Variants in TNRC6B observed in about 807,000 individuals in gnomAD.
TNRC6B encodes the protein trinucleotide repeat containing adaptor 6B.
In TNRC6B, 52 loss-of-function variants were observed where a neutral mutation model predicts 203.6. The observed-to-expected ratio is 0.26, with a 90% CI of 0.20 to 0.32. The LOEUF (loss-of-function observed/expected upper bound fraction) is 0.32. Ranked by LOEUF, TNRC6B falls within the 10% of genes least tolerant of loss-of-function variation. The probability of loss-of-function intolerance (pLI) is 1.00; values close to 1 mark genes in which losing one functional copy is unlikely to be tolerated. For synonymous variants in TNRC6B, 838 were observed against 845.7 expected (o/e 0.99, Z 0.16); for missense variants, 1,923 against 2,286.2 (o/e 0.84, Z 3.24).
At chr22:40,203,438 T>C (rs1025480623) in intron 1 of TNRC6B, among the ~76,000 whole-genome samples, 1 of 152,076 alleles carries the variant, frequency 6.6e-6, no homozygotes, top group African/African-American at 2.4e-5. Context: ...CTTCCAGGTA[T>C]GTCATAAAAA....
chr22:40,313,005 T>C lies in TNRC6B; in HGVS notation c.4678+8T>C, dbSNP rs1305882479. ...ACGTTCATAGCACTTCAGGTATGAG[T>C]GTGAATTTTTTGTTTCCCTTTGGTT... On this transcript the variant is annotated splice_region_variant and intron_variant, in intron 19 of 22. Coordinates refer to ENST00000454349, the MANE Select transcript of TNRC6B (RefSeq NM_001162501.2). 2.5e-6 allele frequency: 4 copies of C among 1,609,206 alleles called. No individual in the cohort carries two copies. Among genetic ancestry groups the C allele is most frequent in the Non-Finnish European group, 2.6e-6 (3 of 1,176,460 alleles).
chr22:40,241,977 T>C (rs1360547685), intron 1 of TNRC6B, among the ~76,000 whole-genome samples: 1 of 152,244 alleles, frequency 6.6e-6, no homozygotes, highest in East Asian at 1.9e-4. Context: ...CTTTGAGCAC[T>C]CTTTTGCTTC....
intron 15 of TNRC6B, among the ~76,000 whole-genome samples, chr22:40,307,872 G>GA (rs1569063765): frequency 6.6e-6 from 1 of 151,908 alleles, no homozygotes; most frequent in Non-Finnish European, 1.5e-5. Flanking sequence ...TTATCCTAGA[G>GA]AAAAAAAGAT....
At chr22:40,201,947 C>T (rs1601879622) in intron 1 of TNRC6B, among the ~76,000 whole-genome samples, 1 of 152,248 alleles carries the variant, frequency 6.6e-6, no homozygotes, top group East Asian at 1.9e-4. Flanking sequence ...TGTTCCCAGA[C>T]ATTTCAATAA....
intron 2 of TNRC6B, among the ~76,000 whole-genome samples, chr22:40,120,020 TG>T (rs2068429095): frequency 6.6e-6 from 1 of 152,108 alleles, no homozygotes; most frequent in Admixed American, 6.6e-5. Context: ...ATTTAGTAAG[TG>T]GGCACATTAC....
intron 10 of TNRC6B, 88 bp from the exon 11 acceptor site, chr22:40,281,031 G>A: frequency 8.8e-7 from 1 of 1,133,478 alleles, no homozygotes; most frequent in Non-Finnish European, 1.2e-6. Flanking sequence ...TTTGTTTATT[G>A]CTAGTGTTTC....
chr22:40,146,417 C>T (rs554612437), intron 3 of TNRC6B, among the ~76,000 whole-genome samples: 5 of 151,370 alleles, frequency 3.3e-5, no homozygotes, highest in Non-Finnish European at 5.9e-5. Flanking sequence ...TTTTTTGAGA[C>T]GGAGTTTCTC....
chr22:40,089,110 T>A (rs2068126042), intron 1 of TNRC6B, among the ~76,000 whole-genome samples: 1 of 152,186 alleles, frequency 6.6e-6, no homozygotes, highest in African/African-American at 2.4e-5. Flanking sequence ...AAATGAGTAA[T>A]TATGTGGTAC....
At chr22:40,192,565 C>T (rs574753736) in intron 1 of TNRC6B, among the ~76,000 whole-genome samples, 6 of 151,998 alleles carry the variant, frequency 3.9e-5, no homozygotes, top group Non-Finnish European at 7.4e-5. Context: ...TGCAGTGAGC[C>T]GAGATCGAGC....
Position 40,266,005 on chromosome 22 carries a change from C to G in TNRC6B, c.1775C>G (p.Ser592Trp), listed in dbSNP as rs1294558370. The change falls in exon 5 of 23, where the codon TCG (serine) becomes TGG (tryptophan). Residue 592 changes from serine to tryptophan, a missense_variant. By Grantham distance (177) the Ser-to-Trp change is radical. Coordinates refer to ENST00000454349, the MANE Select transcript of TNRC6B (RefSeq NM_001162501.2). The part of the protein sequence containing the change: ...SSDSHNSGRR[S>W]YRPTHPDCQA... ...GACAGTCATAACTCTGGCCGTCGGT[C>G]GTACAGGCCCACACATCCTGATTGT... 6.2e-7 allele frequency: 1 copy of G among 1,613,794 alleles called. No homozygotes were observed. Among genetic ancestry groups the G allele is most frequent in the Non-Finnish European group, 8.5e-7 (1 of 1,179,898 alleles).
At chr22:40,282,742 A>G (rs760991423) in intron 11 of TNRC6B, among the ~76,000 whole-genome samples, 14 of 152,188 alleles carry the variant, frequency 9.2e-5, no homozygotes, top group Non-Finnish European at 1.5e-4. Context: ...AAATATGGAC[A>G]TGGTTTTTAA....
Position 40,323,121 on chromosome 22 carries a change from G to A in TNRC6B, c.5382G>A (p.Gly1794=), listed in dbSNP as rs2071359986. 5 of 1,612,914 alleles carry A rather than the reference G, an allele frequency of 3.1e-6. No individual in the cohort carries two copies. Among genetic ancestry groups the A allele is most frequent in the African/African-American group, 1.3e-5 (1 of 74,898 alleles). The part of the protein sequence containing the change: ...GADLAGASLW[G]PPNYSSSLWG... ...ATCTTGCTGGCGCTTCATTGTGGGG[G>A]CCCCCAAACTATTCTTCTAGCTTAT... Residue 1794 remains glycine, a synonymous_variant, in exon 23 of 23, where the codon GGG becomes GGA. Transcript: ENST00000454349.
chr22:40,229,983 G>A, intron 1 of TNRC6B, among the ~76,000 whole-genome samples: 1 of 152,144 alleles, frequency 6.6e-6, no homozygotes, highest in East Asian at 1.9e-4. Flanking sequence ...CCTAGGCAAT[G>A]AATGGCTGGG....
In TNRC6B at chr22:40,190,298, C is replaced by T. The variant is rs140721352; in HGVS notation, c.5+12158C>T. Among the ~76,000 whole-genome samples the T allele has an allele frequency of 2.5e-3, 383 of 152,306 alleles. 2 individuals are homozygous for T. The highest frequency in any genetic ancestry group is 8.1e-3 in the African/African-American group (335 of 41,562). On this transcript the variant is annotated intron_variant, in intron 1 of 22. Transcript: ENST00000454349. ...TCTGAAAAAAGAAAAACCAAGCCCACTCCATTAGGTGCTGAGCAGTTGTAG... is the reference window on the plus strand; with the variant it reads ...TCTGAAAAAAGAAAAACCAAGCCCATTCCATTAGGTGCTGAGCAGTTGTAG...
At chr22:40,171,777 C>A (rs1401242612) in intron 4 of TNRC6B, among the ~76,000 whole-genome samples, 1 of 152,154 alleles carries the variant, frequency 6.6e-6, no homozygotes, top group Non-Finnish European at 1.5e-5. Context: ...TCTTGAGATT[C>A]ATTTCATGCC....
intron 1 of TNRC6B, among the ~76,000 whole-genome samples, chr22:40,061,360 A>G (rs538280372): frequency 6.6e-6 from 1 of 150,382 alleles, no homozygotes; most frequent in Admixed American, 6.6e-5. Context: ...GATTATAGGC[A>G]TGCGCCACCA....
chr22:40,266,205 C>T lies in TNRC6B; in HGVS notation c.1975C>T (p.Gln659Ter). ...TGAGGGGTGGGAGAGCGCTGCCACA[C>T]AGACCAAGAACTCAGGGGGCTGGGG... ...GTEGWESAATQTKNSGGWGDA... is the reference protein window; with the variant it reads ...GTEGWESAAT Residue 659 changes from glutamine to a stop codon, truncating the protein, a stop_gained, in exon 5 of 23, where the codon CAG (glutamine) becomes TAG (stop). Transcript: ENST00000454349. LOFTEE classifies it high-confidence loss of function. 1 of 1,611,448 alleles carries T rather than the reference C, an allele frequency of 6.2e-7. No homozygotes were observed.
intron 3 of TNRC6B, among the ~76,000 whole-genome samples, chr22:40,153,400 G>A (rs544820073): frequency 1.3e-5 from 2 of 152,224 alleles, no homozygotes; most frequent in East Asian, 1.9e-4. Context: ...AATCCAGTTC[G>A]GAGCAGGAGA....
intron 4 of TNRC6B, among the ~76,000 whole-genome samples, chr22:40,170,625 A>T (rs1405014042): frequency 7.9e-6 from 1 of 126,926 alleles, no homozygotes. Flanking sequence ...ATACATACAT[A>T]TATGAACATA....
Sources: gnomAD v4.1 joint callset for allele counts (sites outside exome capture counted in the v4.1 genomes callset) on GRCh38, gnomAD v4.1.1 for gene constraint, MANE v1.5 for transcripts, NCBI Gene and HGNC (gene_info 2026-07-23, HGNC 2026-07-21) for gene names.